Variants in SWT1 observed in about 807,000 individuals in gnomAD.
The protein encoded by SWT1 is SWT1 RNA endoribonuclease homolog, also known as transcriptional protein SWT1.
SWT1 carries 33 observed loss-of-function variants against 107.3 expected under a neutral mutation model. That is an observed-to-expected ratio of 0.31 (90% CI 0.23 to 0.41). SWT1 has a LOEUF of 0.41. Among genes scored for constraint, SWT1 ranks in the 10% least tolerant of loss-of-function variants. The pLI is 1.00. For synonymous variants in SWT1, 345 were observed against 348.3 expected (o/e 0.99, Z 0.11); for missense variants, 898 against 1,028.9 (o/e 0.87, Z 1.74).
intron 5 of SWT1, 38 bp from the exon 6 acceptor site, chr1:185,180,353 T>A: frequency 6.5e-7 from 1 of 1,541,954 alleles, no homozygotes. Flanking sequence ...ATTTAGGTTA[T>A]GCTTTATTCT....
At chr1:185,245,103 AAAAAT>A (rs1031424412) in intron 16 of SWT1, among the ~76,000 whole-genome samples, 10 of 152,158 alleles carry the variant, frequency 6.6e-5, no homozygotes, top group African/African-American at 2.2e-4. Flanking sequence ...TTTTATATTT[AAAAAT>A]AAAATAAAAA....
At chr1:185,238,656 G>A (rs1015861390) in intron 16 of SWT1, among the ~76,000 whole-genome samples, 11 of 151,966 alleles carry the variant, frequency 7.2e-5, no homozygotes, top group Non-Finnish European at 8.8e-5. Context: ...GGAGCATTGT[G>A]AATAAACTGG....
chr1:185,276,783 GT>G (rs143251562), intron 18 of SWT1, 115 bp downstream of exon 18: 151 of 459,180 alleles, frequency 3.3e-4, no homozygotes, highest in East Asian at 4.2e-4. Context: ...TCACTACACT[GT>G]TTTTTTTTAC....
chr1:185,261,803 G>A (rs1663037773), intron 16 of SWT1, among the ~76,000 whole-genome samples: 3 of 151,974 alleles, frequency 2.0e-5, no homozygotes, highest in Admixed American at 2.0e-4. Flanking sequence ...TCAATTAAAT[G>A]TGTATAATAA....
At chr1:185,175,410 A>G (rs1655459756) in intron 5 of SWT1, among the ~76,000 whole-genome samples, 1 of 151,952 alleles carries the variant, frequency 6.6e-6, no homozygotes, top group South Asian at 2.1e-4. Context: ...TGTTTTTTGC[A>G]GAGATGAGGT....
chr1:185,255,526 AT>A (rs1247695079), intron 16 of SWT1, among the ~76,000 whole-genome samples: 1 of 126,948 alleles, frequency 7.9e-6, no homozygotes, highest in East Asian at 2.2e-4. Flanking sequence ...TCCCTTTACC[AT>A]TATGTAATGG....
At chr1:185,171,087 G>T (rs1384862536) in intron 4 of SWT1, among the ~76,000 whole-genome samples, 1 of 151,940 alleles carries the variant, frequency 6.6e-6, no homozygotes, top group Non-Finnish European at 1.5e-5. Context: ...CCTGCCCAAT[G>T]GTTGTCAGTT....
chr1:185,277,116 T>A (rs971120661), intron 18 of SWT1, among the ~76,000 whole-genome samples: 1 of 152,086 alleles, frequency 6.6e-6, no homozygotes, highest in African/African-American at 2.4e-5. Context: ...AATGACTGGC[T>A]TAATAGAAGG....
At chr1:185,179,537 A>G (rs1407897675) in intron 5 of SWT1, among the ~76,000 whole-genome samples, 1 of 152,168 alleles carries the variant, frequency 6.6e-6, no homozygotes, top group Non-Finnish European at 1.5e-5. Context: ...AACTACATAT[A>G]ATATAACCGT....
At chr1:185,245,988 G>T (rs767259730) in intron 16 of SWT1, among the ~76,000 whole-genome samples, 1 of 152,028 alleles carries the variant, frequency 6.6e-6, no homozygotes, top group Non-Finnish European at 1.5e-5. Flanking sequence ...GGCTGGTCTT[G>T]AATTCCTGAC....
intron 14 of SWT1, among the ~76,000 whole-genome samples, chr1:185,217,821 C>G (rs1469062258): frequency 6.6e-6 from 1 of 152,184 alleles, no homozygotes; most frequent in East Asian, 1.9e-4. Context: ...GTCTGGAACT[C>G]CTGCCCTCAG....
intron 16 of SWT1, among the ~76,000 whole-genome samples, chr1:185,261,673 CT>C (rs75087078): frequency 0.014 from 2,036 of 144,702 alleles, 20 homozygotes; most frequent in African/African-American, 0.023. Flanking sequence ...TGATTTTCTG[CT>C]TTTTTTTTTT....
chr1:185,228,169 G>GTATATATATATATATATATA lies in SWT1; in HGVS notation c.2310-3407_2310-3388dup, dbSNP rs757812651. 1.0e-4 allele frequency among the ~76,000 whole-genome samples: 8 copies of GTATATATATATATATATATA among 79,340 alleles called. No individual in the cohort carries two copies. The East Asian group carries it at 2.0e-3, about 20-fold the overall frequency. The allele number at this position is 79,340 out of a possible 152,430, so 52.1% of individuals were successfully genotyped here. A position where few individuals can be genotyped will look rare whatever the true frequency, so the allele number is the denominator to read the frequency against. ...AGTATGTCACATTAAAAAAAAATGT[G>GTATATATATATATATATATA]TATATATATATATATATATACATAT... On this transcript the variant is annotated intron_variant, in intron 15 of 18. Transcript: ENST00000367500.
At chr1:185,215,458 G>A (rs1290058134) in intron 14 of SWT1, among the ~76,000 whole-genome samples, 4 of 152,130 alleles carry the variant, frequency 2.6e-5, no homozygotes, top group African/African-American at 9.7e-5. Flanking sequence ...AATTTGTGAA[G>A]TTTTTAACAA....
At chr1:185,201,775 T>G (rs1657905200) in intron 10 of SWT1, among the ~76,000 whole-genome samples, 2 of 152,200 alleles carry the variant, frequency 1.3e-5, no homozygotes. Flanking sequence ...AACATGGTTC[T>G]TTGACATTTC....
chr1:185,168,369 T>C lies in SWT1; in HGVS notation c.195T>C (p.Tyr65=), dbSNP rs1654769259. The part of the protein sequence containing the change: ...LKSDHTDVLY[Y]NIKRRQGLKR... ...CAGATCATACAGATGTTCTGTACTA[T>C]AATATAAAAAGAAGACAAGGACTGA... The change falls in exon 4 of 19, where the codon TAT becomes TAC. Residue 65 remains tyrosine, a synonymous_variant. Transcript: ENST00000367500. The C allele has an allele frequency of 1.4e-6, 2 of 1,385,146 alleles. No individual in the cohort carries two copies. Among genetic ancestry groups the C allele is most frequent in the Admixed American group, 2.6e-5 (1 of 37,826 alleles). 85.8% of individuals were successfully genotyped at this position (1,385,146 alleles called of 1,614,324 possible).
chr1:185,219,543 G>A (rs1659476780), intron 14 of SWT1, among the ~76,000 whole-genome samples: 1 of 151,996 alleles, frequency 6.6e-6, no homozygotes, highest in Non-Finnish European at 1.5e-5. Context: ...TTATCACAGG[G>A]AACTTAAGCC....
In SWT1 at chr1:185,276,620, A is replaced by G. The variant is rs376938161; in HGVS notation, c.2525A>G (p.Lys842Arg). ...TCCTTTCAGGTAAATAAAAATGTCAAATTTACTGCCCAGGAAATTTATGAT... is the reference window on the plus strand; with the variant it reads ...TCCTTTCAGGTAAATAAAAATGTCAGATTTACTGCCCAGGAAATTTATGAT... Reference protein sequence around the residue: ...LIKYEVNKNVKFTAQEIYDCV... With the variant: ...LIKYEVNKNVRFTAQEIYDCV... Residue 842 changes from lysine (K) to arginine (R), a missense_variant, in exon 18 of 19, where the codon AAA (lysine) becomes AGA (arginine). By Grantham distance (26) the Lys-to-Arg change is conservative (BLOSUM62 2). This residue lies in a region of SWT1 where 382 missense variants were observed against 460.0 expected (regional missense o/e 0.83). Transcript: ENST00000367500. 6.3e-5 allele frequency: 100 copies of G among 1,581,936 alleles called. 2 individuals carry two copies. The highest frequency in any genetic ancestry group is 1.4e-4 in the African/African-American group (10 of 74,050).
At chr1:185,173,024 C>G (rs975499809) in intron 4 of SWT1, among the ~76,000 whole-genome samples, 9 of 104,598 alleles carry the variant, frequency 8.6e-5, no homozygotes, top group Middle Eastern at 9.8e-3. Flanking sequence ...AGCCTGGCGA[C>G]AAAGCGAGAC....
Sources: allele counts gnomAD v4.1 joint callset (sites outside exome capture counted in the v4.1 genomes callset), GRCh38; gene constraint gnomAD v4.1.1; regional missense constraint gnomAD v4.1.1; transcripts MANE v1.5; gene names NCBI Gene and HGNC (gene_info 2026-07-23, HGNC 2026-07-21).